Variants in RPSA2 observed in about 807,000 individuals in gnomAD.
The protein encoded by RPSA2 is small ribosomal subunit protein uS2B.
At chr19:23,861,989 T>A in the RPSA2 span, among the ~76,000 whole-genome samples, 16 of 152,258 alleles carry the variant, frequency 1.1e-4, no homozygotes, top group Admixed American at 6.5e-4. Flanking sequence ...TTTCATGATA[T>A]TGATTCTTCC....
the RPSA2 span, among the ~76,000 whole-genome samples, chr19:23,807,195 A>T: frequency 2.0e-5 from 3 of 151,968 alleles, no homozygotes; most frequent in African/African-American, 7.3e-5. Flanking sequence ...TTTTCTTTGT[A>T]TTTATCTTTC....
the RPSA2 span, among the ~76,000 whole-genome samples, chr19:23,773,337 G>A: frequency 2.0e-5 from 3 of 151,202 alleles, no homozygotes; most frequent in Non-Finnish European, 4.4e-5. Flanking sequence ...AGGCTGGAGT[G>A]CAGTGGCGTG....
the RPSA2 span, among the ~76,000 whole-genome samples, chr19:23,835,162 T>C: frequency 3.3e-5 from 5 of 151,424 alleles, no homozygotes; most frequent in African/African-American, 1.2e-4. Flanking sequence ...TATACAAACA[T>C]GTAAAATCCA....
At chr19:23,858,533 T>A in the RPSA2 span, among the ~76,000 whole-genome samples, 1 of 152,216 alleles carries the variant, frequency 6.6e-6, no homozygotes, top group Admixed American at 6.5e-5. Context: ...AGATAGTGAG[T>A]GCAAGGAAGT....
the RPSA2 span, among the ~76,000 whole-genome samples, chr19:23,759,487 G>A: frequency 6.9e-6 from 1 of 144,510 alleles, no homozygotes; most frequent in South Asian, 2.2e-4. Context: ...ACTGAGCCTC[G>A]GCACCTCCAG....
chr19:23,832,649 G>A, the RPSA2 span: 10 of 1,465,026 alleles, frequency 6.8e-6, no homozygotes, highest in African/African-American at 8.5e-5. Flanking sequence ...TGTGAAGAAG[G>A]TGGCAAAGCA....
chr19:23,862,917 T>C, the RPSA2 span, among the ~76,000 whole-genome samples: 42 of 151,964 alleles, frequency 2.8e-4, no homozygotes, highest in African/African-American at 8.7e-4. Flanking sequence ...TTTTGTTTGT[T>C]TTTTTGAGAT....
At chr19:23,852,394 G>C in the RPSA2 span, among the ~76,000 whole-genome samples, 4 of 152,050 alleles carry the variant, frequency 2.6e-5, no homozygotes, top group East Asian at 7.7e-4. Context: ...TGGGAAATCA[G>C]GGGTCTCACA....
At chr19:23,766,033 T>G in the RPSA2 span, among the ~76,000 whole-genome samples, 1 of 151,870 alleles carries the variant, frequency 6.6e-6, no homozygotes, top group South Asian at 2.1e-4. Flanking sequence ...GCCACTAACA[T>G]AGCAGTGGGA....
the RPSA2 span, among the ~76,000 whole-genome samples, chr19:23,866,053 A>G: frequency 1.3e-5 from 2 of 152,198 alleles, no homozygotes; most frequent in Non-Finnish European, 2.9e-5. Flanking sequence ...CTTCAAGGAA[A>G]CACTACAGAG....
the RPSA2 span, among the ~76,000 whole-genome samples, chr19:23,809,988 GCC>G: frequency 6.6e-6 from 1 of 152,020 alleles, no homozygotes; most frequent in Non-Finnish European, 1.5e-5. Flanking sequence ...TTTTTGTTTG[GCC>G]CCCCCAATGT....
the RPSA2 span, among the ~76,000 whole-genome samples, chr19:23,822,883 C>T: frequency 6.6e-6 from 1 of 152,170 alleles, no homozygotes; most frequent in Non-Finnish European, 1.5e-5. Context: ...TTCCCTTTGT[C>T]TCTGTAGCTT....
the RPSA2 span, among the ~76,000 whole-genome samples, chr19:23,784,300 A>G: frequency 6.6e-6 from 1 of 152,214 alleles, no homozygotes; most frequent in Non-Finnish European, 1.5e-5. Context: ...CATTTGTCCT[A>G]TGCACAGCCC....
At chr19:23,832,512 T>C in the RPSA2 span, 1 of 610,786 alleles carries the variant, frequency 1.6e-6, no homozygotes. Context: ...AACTCAAACC[T>C]TACTATATAT....
At chr19:23,831,785 A>G in the RPSA2 span, 2 of 292,498 alleles carry the variant, frequency 6.8e-6, no homozygotes, top group South Asian at 8.8e-5. Flanking sequence ...GTGTTTCACA[A>G]CTACTCAGAG....
chr19:23,855,817 GA>G, the RPSA2 span, among the ~76,000 whole-genome samples: 16 of 152,180 alleles, frequency 1.1e-4, no homozygotes, highest in African/African-American at 3.6e-4. Context: ...AGCTGCAGTA[GA>G]TGGGGGATGG....
At chr19:23,773,072 CCTGTGTGT>C in the RPSA2 span, among the ~76,000 whole-genome samples, 2 of 5,764 alleles carry the variant, frequency 3.5e-4, no homozygotes, top group Non-Finnish European at 0.013. Flanking sequence ...TCCGTCTCCT[CCTGTGTGT>C]ATGTGTGTGT....
At chr19:23,783,968 C>T in the RPSA2 span, among the ~76,000 whole-genome samples, 1 of 152,126 alleles carries the variant, frequency 6.6e-6, no homozygotes, top group Non-Finnish European at 1.5e-5. Flanking sequence ...GACTCTTCTG[C>T]CTGGTGCATG....
chr19:23,794,016 C>T, the RPSA2 span, among the ~76,000 whole-genome samples: 1 of 152,134 alleles, frequency 6.6e-6, no homozygotes, highest in Non-Finnish European at 1.5e-5. Context: ...AGGCAATCCA[C>T]CTGCCTTGGC....
Sources: allele counts gnomAD v4.1 joint callset (sites outside exome capture counted in the v4.1 genomes callset), GRCh38; gene constraint gnomAD v4.1.1; transcripts MANE v1.5; gene names NCBI Gene and HGNC (gene_info 2026-07-23, HGNC 2026-07-21).